ROBO2: variants seen among roughly 807,000 people sequenced by gnomAD.
The protein encoded by ROBO2 is roundabout homolog 2.
A neutral mutation model predicts 160.8 loss-of-function variants in ROBO2; 53 were observed. The ratio of observed to expected loss-of-function variants is 0.33; its 90% CI spans 0.26 to 0.41. The LOEUF (loss-of-function observed/expected upper bound fraction) is 0.41, where lower values mean the gene tolerates loss of function less well. Ranked by LOEUF, ROBO2 falls within the 10% of genes least tolerant of loss-of-function variation. The probability of loss-of-function intolerance (pLI) is 1.00; values close to 1 mark genes in which losing one functional copy is unlikely to be tolerated. For missense variants in ROBO2, 1,577 were observed against 1,722.4 expected (o/e 0.92, Z 1.49); for synonymous variants, 664 against 611.7 (o/e 1.09, Z -1.26).
At chr3:76,719,959 ATC>A (rs1292853438) in intron 2 of ROBO2, among the ~76,000 whole-genome samples, 4 of 152,126 alleles carry the variant, frequency 2.6e-5, no homozygotes, top group African/African-American at 9.7e-5. Flanking sequence ...TTGAGAACTT[ATC>A]AAATATGGGG....
rs367811910 is a variant in ROBO2 at position 76,221,391 on chromosome 3, G to T, written c.109+283789G>T. ...TCATTTTACAAGTGGGTAACTCAGGGTGATGGTGAGCAGTGCCCCTCTCAT... is the reference window on the plus strand; with the variant it reads ...TCATTTTACAAGTGGGTAACTCAGGTTGATGGTGAGCAGTGCCCCTCTCAT... On this transcript the variant is annotated intron_variant, in intron 2 of 26. Coordinates refer to the ROBO2 transcript ENST00000487694. Among the ~76,000 whole-genome samples the T allele has an allele frequency of 4.0e-5, 6 of 151,328 alleles. No homozygotes were observed. In the East Asian group the frequency reaches 7.8e-4, roughly 20 times the overall value.
intron 2 of ROBO2, among the ~76,000 whole-genome samples, chr3:77,453,672 GAGA>G (rs1407024409): frequency 6.6e-6 from 1 of 152,008 alleles, no homozygotes; most frequent in Non-Finnish European, 1.5e-5. Context: ...GATTATCTCT[GAGA>G]AGTATTAAAT....
intron 2 of ROBO2, among the ~76,000 whole-genome samples, chr3:76,965,409 G>C (rs1376773816): frequency 1.3e-5 from 2 of 152,150 alleles, no homozygotes; most frequent in Non-Finnish European, 2.9e-5. Flanking sequence ...CATGTTACTT[G>C]GTTCCATAAA....
At chr3:76,096,865 A>G (rs1172216189) in intron 2 of ROBO2, among the ~76,000 whole-genome samples, 2 of 152,178 alleles carry the variant, frequency 1.3e-5, no homozygotes, top group Non-Finnish European at 2.9e-5. Flanking sequence ...ACAGACACAT[A>G]TCCTTGCCTT....
intron 3 of ROBO2, among the ~76,000 whole-genome samples, chr3:77,480,260 A>G (rs1362625816): frequency 1.3e-5 from 2 of 151,884 alleles, no homozygotes; most frequent in African/African-American, 4.8e-5. Flanking sequence ...TTCTTCAAGA[A>G]CACTCAATCA....
chr3:76,393,362 A>C (rs185335402), intron 2 of ROBO2, among the ~76,000 whole-genome samples: 26 of 152,314 alleles, frequency 1.7e-4, no homozygotes, highest in Admixed American at 1.3e-3. Flanking sequence ...AACACTTTTT[A>C]ATTCATATCT....
intron 2 of ROBO2, among the ~76,000 whole-genome samples, chr3:75,996,594 A>C (rs1036642115): frequency 6.6e-6 from 1 of 152,196 alleles, no homozygotes; most frequent in Admixed American, 6.5e-5. Flanking sequence ...TTCCTTATCT[A>C]CATCATAAGA....
At chr3:77,347,515 C>T (rs1376943634) in intron 2 of ROBO2, among the ~76,000 whole-genome samples, 2 of 151,950 alleles carry the variant, frequency 1.3e-5, no homozygotes. Flanking sequence ...TGTCATATCT[C>T]CCCTTATCTC....
exon 14 of ROBO2, chr3:77,574,503 A>G (rs776777276): frequency 1.2e-6 from 2 of 1,613,116 alleles, no homozygotes; most frequent in Non-Finnish European, 1.7e-6. Context: ...TTTCAGGTTG[A>G]TCGCCAACCC....
At chr3:76,644,146 A>G (rs1291635888) in intron 2 of ROBO2, among the ~76,000 whole-genome samples, 1 of 152,174 alleles carries the variant, frequency 6.6e-6, no homozygotes, top group Admixed American at 6.5e-5. Context: ...GGCAGGCACT[A>G]TCTTCACTAT....
At position 77,564,552 on chromosome 3, in the gene ROBO2, G is replaced by A. The variant is rs188922779; in HGVS notation, c.1683-402G>A. Reference sequence around the variant, plus strand: ...ATGTATTGGCATAATTTACTCTGTAGTCCATTTATTCTTTCTACAGGTTAA... The same window carrying A: ...ATGTATTGGCATAATTTACTCTGTAATCCATTTATTCTTTCTACAGGTTAA... On this transcript the variant is annotated intron_variant, in intron 11 of 25. Coordinates refer to ENST00000461745, the Ensembl canonical transcript of ROBO2. 192 of 443,162 alleles carry A rather than the reference G, an allele frequency of 4.3e-4. No homozygotes were observed. In the Middle Eastern group the frequency reaches 0.013, roughly 30 times the overall value. 27.5% of individuals were successfully genotyped at this position (443,162 alleles called of 1,614,324 possible).
intron 2 of ROBO2, among the ~76,000 whole-genome samples, chr3:76,990,407 G>A (rs566726024): frequency 1.1e-3 from 166 of 152,208 alleles, no homozygotes; most frequent in Non-Finnish European, 1.9e-3. Context: ...CTCTAGTTAG[G>A]AAATCAACAT....
rs140307705 is a variant in ROBO2, at chr3:77,043,279, A to G, written c.61+2433A>G. On this transcript the variant is annotated intron_variant, in intron 1 of 25. Transcript: ENST00000461745. The stretch of plus-strand genomic sequence containing the variant: ...TATACTCCACATGAATTTCAAATGT[A>G]CAGAAGCCTGTACCATTTCAAAGAT... Among the ~76,000 whole-genome samples, 803 of 152,310 alleles carry G rather than the reference A, an allele frequency of 5.3e-3. 5 individuals carry two copies. Among genetic ancestry groups the G allele is most frequent in the Non-Finnish European group, 8.8e-3 (601 of 68,026 alleles).
chr3:77,255,835 T>G (rs33959041), intron 2 of ROBO2, among the ~76,000 whole-genome samples: 74,247 of 152,070 alleles, frequency 0.49, 19,563 homozygotes, highest in Middle Eastern at 0.7. Flanking sequence ...TGAGGTAACA[T>G]TCTCGTCAAA....
intron 2 of ROBO2, among the ~76,000 whole-genome samples, chr3:77,374,445 A>C (rs2072336454): frequency 6.6e-6 from 1 of 152,116 alleles, no homozygotes. Context: ...AATATATGTC[A>C]CTGCAGTGTC....
At chr3:77,534,478 G>C (rs377336933) in intron 6 of ROBO2, among the ~76,000 whole-genome samples, 17 of 151,982 alleles carry the variant, frequency 1.1e-4, no homozygotes, top group African/African-American at 3.4e-4. Flanking sequence ...TTATGTATTC[G>C]AAGAAAGTCA....
In ROBO2 at chr3:77,527,417, A is replaced by G. The variant is rs1561081178; in HGVS notation, c.934+4515A>G. 7.8e-7 allele frequency: 1 copy of G among 1,287,872 alleles called. No homozygotes were observed. Among genetic ancestry groups the G allele is most frequent in the Non-Finnish European group, 1.0e-6 (1 of 987,772 alleles). The allele number at this position is 1,287,872 out of a possible 1,614,324, so 79.8% of individuals were successfully genotyped here. Reference sequence around the variant, plus strand: ...AATGTCTACAGCTCGCCCTGTTGGTAAGTAGCCATCCTTCTATCCACTAAG... The same window carrying G: ...AATGTCTACAGCTCGCCCTGTTGGTGAGTAGCCATCCTTCTATCCACTAAG... On this transcript the variant is annotated intron_variant, in intron 6 of 25. Transcript: ENST00000461745.
In ROBO2 at chr3:76,219,394, C is replaced by T. The variant is rs991007808; in HGVS notation, c.109+281792C>T. The stretch of plus-strand genomic sequence containing the variant: ...ACCATCAGAGTGAACAGGCAACCTA[C>T]AGCATGGGAGAAAATTTTTGCAAAC... On this transcript the variant is annotated intron_variant, in intron 2 of 26. Transcript: ENST00000487694. 2.6e-5 allele frequency among the ~76,000 whole-genome samples: 4 copies of T among 152,194 alleles called. No individual in the cohort carries two copies. The East Asian group carries it at 5.8e-4, about 22-fold the overall frequency.
intron 2 of ROBO2, among the ~76,000 whole-genome samples, chr3:76,278,796 G>A (rs1434510547): frequency 6.6e-6 from 1 of 151,854 alleles, no homozygotes; most frequent in Non-Finnish European, 1.5e-5. Flanking sequence ...TGAAAATTGG[G>A]AGAGAAATCC....
Sources: allele counts gnomAD v4.1 joint callset (sites outside exome capture counted in the v4.1 genomes callset), GRCh38; gene constraint gnomAD v4.1.1; transcripts MANE v1.5; gene names NCBI Gene and HGNC (gene_info 2026-07-23, HGNC 2026-07-21).